The following ARHGAP8 variants were observed in gnomAD, a reference collection of about 807,000 sequenced individuals.
The protein encoded by ARHGAP8 is Rho GTPase activating protein 8.
Under a neutral mutation model 46.1 loss-of-function variants are expected in ARHGAP8, and 62 were observed. The observed-to-expected ratio is 1.34, with a 90% CI of 1.10 to 1.66. ARHGAP8 has a LOEUF of 1.66. Ranked by LOEUF, ARHGAP8 falls within the 40% of genes most tolerant of loss-of-function variation. ARHGAP8 has a pLI of 0.00. For synonymous variants in ARHGAP8, 375 were observed against 243.1 expected (o/e 1.54, Z -5.05); for missense variants, 923 against 568.4 (o/e 1.62, Z -6.34).
intron 2 of ARHGAP8, among the ~76,000 whole-genome samples, chr22:44,789,749 T>G (rs1927527071): frequency 6.6e-6 from 1 of 151,246 alleles, no homozygotes; most frequent in South Asian, 2.1e-4. Flanking sequence ...AATCGGCCTG[T>G]CTTGGCCTCC....
chr22:44,755,717 C>A (rs531029383), intron 1 of ARHGAP8, among the ~76,000 whole-genome samples: 2 of 152,176 alleles, frequency 1.3e-5, no homozygotes, highest in African/African-American at 4.8e-5. Flanking sequence ...GGTCTTTGGG[C>A]CCCCATTTTC....
chr22:44,850,753 A>C (rs5765054), intron 10 of ARHGAP8: 1 of 151,704 alleles, frequency 6.6e-6, no homozygotes, highest in Non-Finnish European at 1.5e-5. Flanking sequence ...ATCACTTGTC[A>C]TAGGAGTTCA....
chr22:44,788,565 T>C (rs1203946584), intron 2 of ARHGAP8, among the ~76,000 whole-genome samples: 1 of 151,972 alleles, frequency 6.6e-6, no homozygotes, highest in Non-Finnish European at 1.5e-5. Flanking sequence ...GGCTAATTTT[T>C]ATATCTTTAG....
chr22:44,813,478 GACACCTACATGTACATACACTT>G (rs1929500927), intron 4 of ARHGAP8, among the ~76,000 whole-genome samples: 1 of 145,870 alleles, frequency 6.9e-6, no homozygotes, highest in African/African-American at 2.6e-5. Flanking sequence ...CCCACATACA[GACACCTACATGTACATACACTT>G]ACACCTACAT....
At chr22:44,764,204 T>C (rs1195213393) in intron 1 of ARHGAP8, among the ~76,000 whole-genome samples, 1 of 152,224 alleles carries the variant, frequency 6.6e-6, no homozygotes, top group Non-Finnish European at 1.5e-5. Flanking sequence ...GAGCGTTCTC[T>C]GGTCTTCATG....
At chr22:44,821,636 T>C (rs575236617) in intron 5 of ARHGAP8, among the ~76,000 whole-genome samples, 48 of 152,212 alleles carry the variant, frequency 3.2e-4, no homozygotes, top group Non-Finnish European at 6.2e-4. Context: ...TTGTTACTAA[T>C]AGCAGTCGTC....
chr22:44,795,614 C>T lies in ARHGAP8; in HGVS notation c.80-6463C>T, dbSNP rs368111313. ...CCTCCCCTCCCCACCACCTGCAAAC[C>T]AGACGAGGGCGGGAGGCAGAGGGGA... is the stretch of plus-strand genomic sequence containing the variant. On this transcript the variant is annotated intron_variant, in intron 2 of 11. Transcript: ENST00000356099. Among the ~76,000 whole-genome samples, 559 of 152,228 alleles carry T rather than the reference C, an allele frequency of 3.7e-3. 7 individuals are homozygous for T. Among genetic ancestry groups the T allele is most frequent in the African/African-American group, 0.013 (535 of 41,538 alleles).
chr22:44,829,925 C>G (rs1930818092), intron 7 of ARHGAP8, among the ~76,000 whole-genome samples: 1 of 151,960 alleles, frequency 6.6e-6, no homozygotes, highest in East Asian at 1.9e-4. Context: ...TGTGTGGGCA[C>G]CTGGGGGAGG....
chr22:44,785,739 C>G (rs571811680), intron 1 of ARHGAP8, among the ~76,000 whole-genome samples: 74 of 152,224 alleles, frequency 4.9e-4, no homozygotes, highest in African/African-American at 1.5e-3. Context: ...CTCTAAGAAC[C>G]CTGATTGGTT....
chr22:44,808,642 T>A (rs199560786), intron 4 of ARHGAP8: 85 of 761,010 alleles, frequency 1.1e-4, no homozygotes, highest in Middle Eastern at 3.1e-4. Flanking sequence ...TGGCACTCAT[T>A]TTTTTTTTTC....
chr22:44,840,000 C>A (rs1008733909), intron 7 of ARHGAP8, among the ~76,000 whole-genome samples: 3 of 152,182 alleles, frequency 2.0e-5, no homozygotes, highest in African/African-American at 7.2e-5. Flanking sequence ...GGACTGTTGG[C>A]CAGTGCACCT....
intron 1 of ARHGAP8, among the ~76,000 whole-genome samples, chr22:44,756,221 C>T (rs1924661493): frequency 6.6e-6 from 1 of 152,076 alleles, no homozygotes; most frequent in Non-Finnish European, 1.5e-5. Context: ...GCTCCCCGCT[C>T]CCTTCCCCTA....
At chr22:44,825,337 G>A (rs968686690) in intron 6 of ARHGAP8, 146 bp from the exon 7 acceptor site, 3 of 718,744 alleles carry the variant, frequency 4.2e-6, no homozygotes, top group East Asian at 2.7e-5. Context: ...ATGTGAGTGT[G>A]TGTGTGAGCT....
chr22:44,829,239 C>G (rs746213074), intron 7 of ARHGAP8, among the ~76,000 whole-genome samples: 1 of 150,006 alleles, frequency 6.7e-6, no homozygotes, highest in East Asian at 1.9e-4. Context: ...TTCAGTGAGC[C>G]GAGATTTTGC....
chr22:44,795,048 A>C (rs1414163554), intron 2 of ARHGAP8, among the ~76,000 whole-genome samples: 2 of 151,882 alleles, frequency 1.3e-5, no homozygotes, highest in Admixed American at 6.6e-5. Context: ...CTCAAAAAAA[A>C]AAAAAACAAA....
intron 1 of ARHGAP8, among the ~76,000 whole-genome samples, chr22:44,762,583 AC>A (rs1434150424): frequency 2.3e-5 from 3 of 127,852 alleles, no homozygotes; most frequent in Non-Finnish European, 3.2e-5. Flanking sequence ...TCACTTTGTC[AC>A]CCAGACTGCA....
chr22:44,792,014 T>C (rs1255729065), intron 2 of ARHGAP8, among the ~76,000 whole-genome samples: 1 of 129,754 alleles, frequency 7.7e-6, no homozygotes, highest in Non-Finnish European at 1.6e-5. Context: ...TTCTTCTTTC[T>C]TTCTTTCTTT....
intron 9 of ARHGAP8, 149 bp downstream of exon 9, chr22:44,848,199 C>A: frequency 5.4e-6 from 6 of 1,108,858 alleles, no homozygotes; most frequent in South Asian, 1.5e-5. Context: ...TCCCAGGAGG[C>A]ATCGAGGGGC....
chr22:44,860,918 A>T (rs1046251023), intron 11 of ARHGAP8, among the ~76,000 whole-genome samples: 1 of 152,034 alleles, frequency 6.6e-6, no homozygotes. Context: ...TCTGTTGGAG[A>T]ATGTCACTTC....
Sources: allele counts gnomAD v4.1 joint callset (sites outside exome capture counted in the v4.1 genomes callset), GRCh38; gene constraint gnomAD v4.1.1; transcripts MANE v1.5; gene names NCBI Gene and HGNC (gene_info 2026-07-23, HGNC 2026-07-21).